The following ASAP1 variants were observed in gnomAD, a reference collection of about 807,000 sequenced individuals.
The protein encoded by ASAP1 is ArfGAP with SH3 domain, ankyrin repeat and PH domain 1.
ASAP1 carries 43 observed loss-of-function variants against 145.2 expected under a neutral mutation model. The ratio of observed to expected loss-of-function variants is 0.30; its 90% CI spans 0.23 to 0.38. The LOEUF is 0.38. Ranked by LOEUF, ASAP1 falls within the 10% of genes least tolerant of loss-of-function variation. The pLI is 1.00. For synonymous variants in ASAP1, 546 were observed against 515.5 expected, an observed-to-expected ratio of 1.06 and a Z score of -0.80; for missense variants, 1,018 against 1,355.3, an observed-to-expected ratio of 0.75 and a Z score of 3.91.
At chr8:130,139,357 A>C (rs1030740808) in intron 13 of ASAP1, among the ~76,000 whole-genome samples, 1 of 152,252 alleles carries the variant, frequency 6.6e-6, no homozygotes, top group Admixed American at 6.5e-5. Flanking sequence ...GAACTTCCCA[A>C]GCTTAAGTTG....
chr8:130,100,351 CG>C (rs1225865709), intron 24 of ASAP1, among the ~76,000 whole-genome samples: 3 of 150,652 alleles, frequency 2.0e-5, no homozygotes, highest in Non-Finnish European at 4.4e-5. Context: ...TTTTTTGAGA[CG>C]GAGTTTCACT....
chr8:130,096,439 G>T (rs925458664), intron 24 of ASAP1, among the ~76,000 whole-genome samples: 3 of 152,148 alleles, frequency 2.0e-5, no homozygotes, highest in Non-Finnish European at 2.9e-5. Context: ...TGACTAAGAG[G>T]CAATTTTCTC....
At chr8:130,076,455 A>G (rs1324991984) in intron 26 of ASAP1, 49 bp from the exon 27 acceptor site, 1 of 1,211,144 alleles carries the variant, frequency 8.3e-7, no homozygotes, top group South Asian at 1.3e-5. Flanking sequence ...CTAGAATATC[A>G]ATAGCAAAAT....
chr8:130,206,054 ATATG>A (rs138748576), intron 5 of ASAP1, among the ~76,000 whole-genome samples: 5,278 of 152,260 alleles, frequency 0.035, 126 homozygotes, highest in Middle Eastern at 0.065. Context: ...TTTATAATAA[ATATG>A]TATGATTTTT....
intron 3 of ASAP1, among the ~76,000 whole-genome samples, chr8:130,321,941 A>G (rs1406022833): frequency 6.6e-6 from 1 of 152,252 alleles, no homozygotes; most frequent in Non-Finnish European, 1.5e-5. Context: ...CATATAACAG[A>G]TGGTAAAAAG....
chr8:130,059,445 G>A (rs1328176852), intron 28 of ASAP1, among the ~76,000 whole-genome samples: 1 of 152,070 alleles, frequency 6.6e-6, no homozygotes, highest in Admixed American at 6.5e-5. Context: ...AATTACAGAT[G>A]TGAGCCACTG....
chr8:130,060,075 CAAAAA>C (rs55875346), intron 28 of ASAP1, among the ~76,000 whole-genome samples: 2 of 95,914 alleles, frequency 2.1e-5, no homozygotes, highest in Non-Finnish European at 4.2e-5. Context: ...GAGCCCTTCT[CAAAAA>C]AAAAAAAAAA....
chr8:130,400,523 T>G (rs1241726642), intron 2 of ASAP1, among the ~76,000 whole-genome samples: 3 of 150,376 alleles, frequency 2.0e-5, no homozygotes, highest in African/African-American at 7.4e-5. Flanking sequence ...GCACGGTGGC[T>G]CACGCCTGTA....
At chr8:130,398,424 T>C (rs1828631796) in intron 2 of ASAP1, among the ~76,000 whole-genome samples, 1 of 152,050 alleles carries the variant, frequency 6.6e-6, no homozygotes, top group Non-Finnish European at 1.5e-5. Flanking sequence ...GTAATAATAG[T>C]AGAAGAGAAG....
At chr8:130,398,222 G>GA (rs1828621777) in intron 2 of ASAP1, among the ~76,000 whole-genome samples, 1 of 152,136 alleles carries the variant, frequency 6.6e-6, no homozygotes, top group African/African-American at 2.4e-5. Context: ...CCCAGATCAG[G>GA]AAACAGCACA....
intron 7 of ASAP1, among the ~76,000 whole-genome samples, chr8:130,185,362 G>C (rs1435874410): frequency 6.6e-6 from 1 of 152,074 alleles, no homozygotes; most frequent in Non-Finnish European, 1.5e-5. Context: ...TTAGGCACTG[G>C]TAGAATAACA....
chr8:130,146,302 A>C (rs1397846192), intron 13 of ASAP1, among the ~76,000 whole-genome samples: 1 of 151,848 alleles, frequency 6.6e-6, no homozygotes, highest in Non-Finnish European at 1.5e-5. Flanking sequence ...AGTAAAAAAA[A>C]CCTTTTTACC....
intron 3 of ASAP1, among the ~76,000 whole-genome samples, chr8:130,244,398 T>C (rs1454035312): frequency 6.6e-6 from 1 of 152,132 alleles, no homozygotes; most frequent in Non-Finnish European, 1.5e-5. Flanking sequence ...AGAATGCCCA[T>C]TCCTGGAGAC....
At chr8:130,217,377 A>G (rs1816993845) in intron 4 of ASAP1, among the ~76,000 whole-genome samples, 1 of 151,800 alleles carries the variant, frequency 6.6e-6, no homozygotes, top group Non-Finnish European at 1.5e-5. Flanking sequence ...GTCTTCCTTT[A>G]GTTGGAAACA....
Position 130,209,792 on chromosome 8 carries a change from C to A in ASAP1, c.405+4764G>T, listed in dbSNP as rs1339626059. 2.8e-5 allele frequency among the ~76,000 whole-genome samples: 4 copies of A among 144,710 alleles called. No homozygotes were observed. In the Admixed American group the frequency reaches 2.9e-4, roughly 10 times the overall value. 94.9% of individuals were successfully genotyped at this position (144,710 alleles called of 152,430 possible). On this transcript the variant is annotated intron_variant, in intron 5 of 29. Coordinates refer to ENST00000518721, the MANE Select transcript of ASAP1 (RefSeq NM_018482.4). ...AACTGGCATTGTTTTTTTAGTGGAA[C>A]ACCTTTTTTTTTGAAAGAAAGACTA...
At chr8:130,177,593 C>T (rs1814051386) in intron 9 of ASAP1, among the ~76,000 whole-genome samples, 1 of 152,142 alleles carries the variant, frequency 6.6e-6, no homozygotes. Flanking sequence ...TTAGTTAATC[C>T]AGGTCTTCAA....
intron 2 of ASAP1, among the ~76,000 whole-genome samples, chr8:130,380,979 G>A (rs1410601477): frequency 1.3e-5 from 2 of 152,106 alleles, no homozygotes; most frequent in Non-Finnish European, 2.9e-5. Flanking sequence ...CGCCTCCCGG[G>A]TTCAAGTGAC....
At chr8:130,084,582 G>A (rs191021664) in intron 25 of ASAP1, 2 of 152,178 alleles carry the variant, frequency 1.3e-5, no homozygotes, top group Admixed American at 1.3e-4. Context: ...CGAATGGCCA[G>A]GTTGCTACAG....
chr8:130,226,092 A>G (rs868402733), intron 4 of ASAP1, among the ~76,000 whole-genome samples: 1 of 148,432 alleles, frequency 6.7e-6, no homozygotes, highest in East Asian at 2.0e-4. Context: ...TGCCCAGGCT[A>G]GTCTCAAAAT....
Sources: allele counts gnomAD v4.1 joint callset (sites outside exome capture counted in the v4.1 genomes callset), GRCh38; gene constraint gnomAD v4.1.1; transcripts MANE v1.5; gene names NCBI Gene and HGNC (gene_info 2026-07-23, HGNC 2026-07-21).